Variants in STRN3 observed in about 807,000 individuals in gnomAD.
STRN3 encodes the protein striatin 3.
In STRN3, 29 loss-of-function variants were observed where a neutral mutation model predicts 95.6. The observed-to-expected ratio is 0.30, with a 90% confidence interval of 0.23 to 0.41. The LOEUF (loss-of-function observed/expected upper bound fraction) is 0.41. Among genes scored for constraint, STRN3 ranks in the 10% least tolerant of loss-of-function variants. STRN3 has a pLI of 1.00. For synonymous variants in STRN3, 331 were observed against 357.6 expected (o/e 0.93, Z 0.84); for missense variants, 890 against 972.1 (o/e 0.92, Z 1.12).
chr14:30,940,137 A>T (rs1955563), intron 5 of STRN3, among the ~76,000 whole-genome samples: 8,601 of 152,158 alleles, frequency 0.057, 443 homozygotes, highest in East Asian at 0.21. Context: ...ACATAAAGCA[A>T]TGTATTAATT....
At chr14:30,957,674 T>G (rs1879988373) in intron 1 of STRN3, among the ~76,000 whole-genome samples, 1 of 152,168 alleles carries the variant, frequency 6.6e-6, no homozygotes, top group Non-Finnish European at 1.5e-5. Context: ...CCTTATTTCC[T>G]GAAAAAAGCA....
At chr14:31,006,775 T>C (rs1445100037) in intron 1 of STRN3, among the ~76,000 whole-genome samples, 2 of 151,930 alleles carry the variant, frequency 1.3e-5, no homozygotes, top group Non-Finnish European at 2.9e-5. Flanking sequence ...TCAAACCTTT[T>C]GAAAGAGACA....
At chr14:30,922,131 C>T (rs538662597) in intron 8 of STRN3, among the ~76,000 whole-genome samples, 1 of 152,242 alleles carries the variant, frequency 6.6e-6, no homozygotes, top group South Asian at 2.1e-4. Context: ...TCAGGCAATC[C>T]ACCTACCTCA....
At chr14:30,953,127 C>T (rs1879733731) in intron 3 of STRN3, among the ~76,000 whole-genome samples, 1 of 152,078 alleles carries the variant, frequency 6.6e-6, no homozygotes, top group African/African-American at 2.4e-5. Context: ...TAACCAATCC[C>T]CTAATGTTGA....
chr14:30,975,555 A>AG (rs148134411), intron 1 of STRN3, among the ~76,000 whole-genome samples: 61,674 of 143,060 alleles, frequency 0.43, 13,659 homozygotes, highest in Non-Finnish European at 0.46. Context: ...AAAAAAAAAA[A>AG]AAGAAGAAGA....
In STRN3 at chr14:30,898,369, A is replaced by AT. The variant is rs1309708663; in HGVS notation, c.2138-2622_2138-2621insA. Among the ~76,000 whole-genome samples the AT allele has an allele frequency of 2.6e-5, 4 of 152,230 alleles. No homozygotes were observed. In the East Asian group the frequency reaches 7.7e-4, roughly 29 times the overall value. On this transcript the variant is annotated intron_variant, in intron 16 of 17. Coordinates refer to ENST00000357479, the MANE Select transcript of STRN3 (RefSeq NM_001083893.2). ...AAGTTTAACATCTCTAAACCAAAAG[A>AT]CTTTTTTCCAATACAAGAGCTACAC...
At chr14:30,960,084 G>C (rs1880113602) in intron 1 of STRN3, among the ~76,000 whole-genome samples, 1 of 152,228 alleles carries the variant, frequency 6.6e-6, no homozygotes, top group Middle Eastern at 3.4e-3. Flanking sequence ...GCCGAGTACA[G>C]GGGGCTCATG....
At position 30,984,286 on chromosome 14, in the gene STRN3, A is replaced by AC. The variant is rs1235679950; in HGVS notation, c.283-28045_283-28044insG. Among the ~76,000 whole-genome samples the AC allele has an allele frequency of 2.0e-5, 3 of 149,976 alleles. No individual in the cohort carries two copies. The East Asian group carries it at 5.8e-4, about 29-fold the overall frequency. ...AATTCTAAAAAAAAAAAAAAAAAAA[A>AC]AAAAAACAGAAAAGAATTAAAACTA... is the stretch of plus-strand genomic sequence containing the variant. On this transcript the variant is annotated intron_variant, in intron 1 of 17. Transcript: ENST00000357479.
intron 1 of STRN3, among the ~76,000 whole-genome samples, chr14:30,967,265 G>T (rs1222930672): frequency 6.9e-6 from 1 of 144,332 alleles, no homozygotes; most frequent in Non-Finnish European, 1.5e-5. Context: ...GGCAGAGAGA[G>T]GGGGGAAGAG....
chr14:30,986,514 G>A (rs1392288012), intron 1 of STRN3, among the ~76,000 whole-genome samples: 1 of 152,078 alleles, frequency 6.6e-6, no homozygotes, highest in Non-Finnish European at 1.5e-5. Flanking sequence ...AACCTAAAAG[G>A]TAATAAACCT....
intron 8 of STRN3, among the ~76,000 whole-genome samples, chr14:30,925,784 A>G (rs1897012641): frequency 1.3e-5 from 2 of 152,168 alleles, no homozygotes; most frequent in African/African-American, 4.8e-5. Flanking sequence ...ACTGTGTCCC[A>G]TAAATATTTA....
chr14:30,979,125 A>G (rs368665191), intron 1 of STRN3, among the ~76,000 whole-genome samples: 1 of 152,038 alleles, frequency 6.6e-6, no homozygotes, highest in Non-Finnish European at 1.5e-5. Flanking sequence ...TTCCTATGCA[A>G]TAGTAATAAA....
rs574247956 is a variant in STRN3 at position 30,979,850 on chromosome 14, T to C, written c.283-23608A>G. 2.6e-5 allele frequency among the ~76,000 whole-genome samples: 4 copies of C among 151,978 alleles called. No homozygotes were observed. The East Asian group carries it at 7.8e-4, about 30-fold the overall frequency. On this transcript the variant is annotated intron_variant, in intron 1 of 17. Transcript: ENST00000357479. ...CCTGACCTCAGGTAATCTGCCCGCC[T>C]TGGCTTCCCAAAGTGCTGGGATTAC... is the stretch of plus-strand genomic sequence containing the variant.
chr14:31,025,812 G>C, intron 1 of STRN3, 92 bp downstream of exon 1: 3 of 1,514,448 alleles, frequency 2.0e-6, no homozygotes, highest in Middle Eastern at 2.2e-4. Context: ...GCCTCCCAAG[G>C]CGCCGGCTCC....
At chr14:30,942,790 T>C (rs1354400100) in intron 5 of STRN3, among the ~76,000 whole-genome samples, 1 of 152,040 alleles carries the variant, frequency 6.6e-6, no homozygotes, top group East Asian at 1.9e-4. Flanking sequence ...TTGGTGGGGG[T>C]CACATTTCAA....
At chr14:30,989,684 T>C (rs1382115906) in intron 1 of STRN3, among the ~76,000 whole-genome samples, 2 of 152,040 alleles carry the variant, frequency 1.3e-5, no homozygotes, top group Non-Finnish European at 2.9e-5. Context: ...GGTCTCTATC[T>C]CCTGACCTCG....
intron 1 of STRN3, among the ~76,000 whole-genome samples, chr14:30,993,075 G>A (rs932466808): frequency 2.6e-5 from 4 of 151,968 alleles, no homozygotes; most frequent in Non-Finnish European, 4.4e-5. Flanking sequence ...GACCAGCCTG[G>A]GCAACATAGT....
At chr14:30,983,792 A>T (rs984447750) in intron 1 of STRN3, among the ~76,000 whole-genome samples, 2 of 152,224 alleles carry the variant, frequency 1.3e-5, no homozygotes, top group African/African-American at 4.8e-5. Context: ...AAATTCAATA[A>T]ATGTAGTTAT....
At chr14:30,896,580 G>C (rs1195796517) in intron 16 of STRN3, among the ~76,000 whole-genome samples, 1 of 150,804 alleles carries the variant, frequency 6.6e-6, no homozygotes, top group African/African-American at 2.4e-5. Context: ...GAAGGGGAGG[G>C]GAGGGGAGGG....
Sources: allele counts gnomAD v4.1 joint callset (sites outside exome capture counted in the v4.1 genomes callset), GRCh38; gene constraint gnomAD v4.1.1; transcripts MANE v1.5; gene names NCBI Gene and HGNC (gene_info 2026-07-23, HGNC 2026-07-21).